ESRP1: variants seen among roughly 807,000 people sequenced by gnomAD.
The protein encoded by ESRP1 is RNA-binding motif protein 35A.
Under a neutral mutation model 81.7 loss-of-function variants are expected in ESRP1, and 33 were observed. That is an observed-to-expected ratio of 0.40 (90% CI 0.31 to 0.54). ESRP1 has a LOEUF of 0.54. Among genes scored for constraint, ESRP1 ranks in the 20% least tolerant of loss-of-function variants. The pLI is 0.41. For synonymous variants in ESRP1, 320 were observed against 303.3 expected, an observed-to-expected ratio of 1.06 and a Z score of -0.57; for missense variants, 672 against 833.1, an observed-to-expected ratio of 0.81 and a Z score of 2.38.
intron 4 of ESRP1, among the ~76,000 whole-genome samples, chr8:94,651,542 A>G (rs1285666129): frequency 1.3e-5 from 2 of 152,184 alleles, no homozygotes; most frequent in South Asian, 2.1e-4. Flanking sequence ...GAGTATTCCA[A>G]AATGAAAGCT....
chr8:94,697,023 G>A, intron 15 of ESRP1, 62 bp downstream of exon 15: 3 of 1,146,954 alleles, frequency 2.6e-6, no homozygotes, highest in Admixed American at 2.9e-5. Flanking sequence ...AGATTCTGAA[G>A]GCATTTAGAA....
At chr8:94,652,049 G>A (rs1240182879) in intron 4 of ESRP1, among the ~76,000 whole-genome samples, 4 of 137,192 alleles carry the variant, frequency 2.9e-5, no homozygotes, top group African/African-American at 1.1e-4. Flanking sequence ...AGTGCAGTGC[G>A]CAATCTTGGT....
At chr8:94,641,933 C>T (rs376426173) in intron 1 of ESRP1, 23 bp from the exon 2 acceptor site, 3 of 1,612,660 alleles carry the variant, frequency 1.9e-6, no homozygotes, top group African/African-American at 1.3e-5. Flanking sequence ...GGGAAACTGA[C>T]CCGTGCTTCT....
At chr8:94,668,813 G>GTGTGTGTGTGT (rs1489119099) in intron 10 of ESRP1, among the ~76,000 whole-genome samples, 2 of 151,464 alleles carry the variant, frequency 1.3e-5, no homozygotes, top group East Asian at 1.9e-4. Context: ...GTGTGTTTGA[G>GTGTGTGTGTGT]ATGGGGTCTT....
intron 14 of ESRP1, among the ~76,000 whole-genome samples, chr8:94,695,149 T>G (rs900183313): frequency 2.0e-5 from 3 of 152,090 alleles, no homozygotes; most frequent in African/African-American, 7.2e-5. Flanking sequence ...GATGATAAAA[T>G]CAGTGGATGA....
intron 10 of ESRP1, among the ~76,000 whole-genome samples, chr8:94,669,874 C>CAA (rs1263306176): frequency 0.012 from 1,090 of 89,570 alleles, 7 homozygotes; most frequent in Middle Eastern, 0.045. Flanking sequence ...CTCCCGCTAC[C>CAA]AAAAAAAAAA....
intron 4 of ESRP1, among the ~76,000 whole-genome samples, chr8:94,657,330 C>A (rs1280120850): frequency 1.3e-5 from 2 of 152,170 alleles, no homozygotes; most frequent in Non-Finnish European, 2.9e-5. Flanking sequence ...ATCAGACGTG[C>A]AGCAAGTAAT....
intron 13 of ESRP1, among the ~76,000 whole-genome samples, chr8:94,679,988 A>T (rs62523423): frequency 0.12 from 17,539 of 152,098 alleles, 1,245 homozygotes; most frequent in East Asian, 0.17. Context: ...TGTACTTTTA[A>T]TTTTTCTCTA....
chr8:94,641,604 C>A, intron 1 of ESRP1, 154 bp downstream of exon 1: 2 of 1,106,250 alleles, frequency 1.8e-6, no homozygotes, highest in Non-Finnish European at 2.6e-6. Flanking sequence ...TAGAGTAAAA[C>A]CAAACTTATT....
intron 13 of ESRP1, among the ~76,000 whole-genome samples, chr8:94,681,075 C>T (rs1490921020): frequency 6.6e-6 from 1 of 151,940 alleles, no homozygotes; most frequent in Non-Finnish European, 1.5e-5. Context: ...CCTGTAATCC[C>T]AGCACTTTGG....
Position 94,705,156 on chromosome 8 carries a change from C to CTTTTTTTTTTTTTTTTT in ESRP1, c.*36-756_*36-740dup, listed in dbSNP as rs57801249. ...TTTGCTGTTATGTCATGCCTTATTGCTTTTTTTTTTTTTTTTTTTTTTTTT... is the reference window on the plus strand; with the variant it reads ...TTTGCTGTTATGTCATGCCTTATTGCTTTTTTTTTTTTTTTTTTTTTTTTTTTTTTTTTTTTTTTTTT... On this transcript the variant is annotated intron_variant, in intron 15 of 15. Coordinates refer to ENST00000433389, the MANE Select transcript of ESRP1 (RefSeq NM_017697.4). Among the ~76,000 whole-genome samples the CTTTTTTTTTTTTTTTTT allele has an allele frequency of 1.4e-4, 13 of 90,560 alleles. 1 individual carries two copies. Among genetic ancestry groups the CTTTTTTTTTTTTTTTTT allele is most frequent in the African/African-American group, 5.7e-4 (13 of 22,766 alleles). 59.4% of individuals were successfully genotyped at this position (90,560 alleles called of 152,430 possible).
chr8:94,657,147 GT>G (rs1818467317), intron 4 of ESRP1, among the ~76,000 whole-genome samples: 1 of 152,140 alleles, frequency 6.6e-6, no homozygotes, highest in African/African-American at 2.4e-5. Flanking sequence ...GAAATGATGA[GT>G]TTTGTTCCCA....
At chr8:94,644,830 C>T (rs1432451535) in intron 3 of ESRP1, among the ~76,000 whole-genome samples, 1 of 152,100 alleles carries the variant, frequency 6.6e-6, no homozygotes, top group African/African-American at 2.4e-5. Flanking sequence ...GGGAAAATGG[C>T]AAAACATGAA....
intron 15 of ESRP1, among the ~76,000 whole-genome samples, chr8:94,700,979 G>A (rs183788873): frequency 7.3e-4 from 97 of 132,712 alleles, no homozygotes; most frequent in African/African-American, 2.7e-3. Context: ...GTGTGTGTGT[G>A]TGTGTTAAGA....
chr8:94,695,348 C>CTTT (rs1177357708), intron 14 of ESRP1, among the ~76,000 whole-genome samples: 1,095 of 61,106 alleles, frequency 0.018, 39 homozygotes, highest in Middle Eastern at 0.03. Flanking sequence ...CTTTTTCTTT[C>CTTT]TTTTTTTTTT....
At chr8:94,665,557 T>A (rs1307604137) in intron 9 of ESRP1, among the ~76,000 whole-genome samples, 1 of 152,166 alleles carries the variant, frequency 6.6e-6, no homozygotes, top group Non-Finnish European at 1.5e-5. Context: ...GGTGGCACAA[T>A]CTCAGCTCGT....
chr8:94,658,322 A>T (rs1160189147), intron 4 of ESRP1, among the ~76,000 whole-genome samples: 1 of 152,224 alleles, frequency 6.6e-6, no homozygotes, highest in Non-Finnish European at 1.5e-5. Context: ...GGTGTCCAGT[A>T]AATGCCACCA....
At chr8:94,659,584 AG>A (rs1818615540) in intron 4 of ESRP1, among the ~76,000 whole-genome samples, 2 of 152,224 alleles carry the variant, frequency 1.3e-5, no homozygotes, top group African/African-American at 4.8e-5. Flanking sequence ...TTAAATCAAA[AG>A]CTAGACATGA....
intron 12 of ESRP1, among the ~76,000 whole-genome samples, chr8:94,676,749 C>T (rs138584889): frequency 0.028 from 4,312 of 151,868 alleles, 188 homozygotes; most frequent in African/African-American, 0.097. Context: ...CTGCCCGCTT[C>T]GGCCTCCCAA....
Sources: gnomAD v4.1 joint callset for allele counts (sites outside exome capture counted in the v4.1 genomes callset) on GRCh38, gnomAD v4.1.1 for gene constraint, MANE v1.5 for transcripts, NCBI Gene and HGNC (gene_info 2026-07-23, HGNC 2026-07-21) for gene names.